MAPK10: variants seen among roughly 807,000 people sequenced by gnomAD.
MAPK10 encodes the protein mitogen-activated protein kinase 10.
A neutral mutation model predicts 59.3 loss-of-function variants in MAPK10; 25 were observed. The ratio of observed to expected loss-of-function variants is 0.42; its 90% CI spans 0.31 to 0.59. The LOEUF is 0.59. Ranked by LOEUF, MAPK10 falls within the 20% of genes least tolerant of loss-of-function variation. The pLI is 0.15. For missense variants in MAPK10, 351 were observed against 568.9 expected (o/e 0.62, Z 3.90); for synonymous variants, 190 against 200.5 (o/e 0.95, Z 0.44).
At chr4:86,048,127 C>G (rs1210661955) in intron 11 of MAPK10, among the ~76,000 whole-genome samples, 1 of 152,028 alleles carries the variant, frequency 6.6e-6, no homozygotes, top group East Asian at 1.9e-4. Context: ...AAGTGCTCAG[C>G]AGAGTACAGC....
At chr4:86,033,326 C>T (rs950873422) in intron 11 of MAPK10, among the ~76,000 whole-genome samples, 1 of 152,182 alleles carries the variant, frequency 6.6e-6, no homozygotes, top group Non-Finnish European at 1.5e-5. Context: ...GTCCAGGACC[C>T]CTGCAGGACA....
At chr4:86,055,051 A>C (rs1164934984) in intron 11 of MAPK10, among the ~76,000 whole-genome samples, 1 of 152,212 alleles carries the variant, frequency 6.6e-6, no homozygotes, top group East Asian at 1.9e-4. Context: ...TCACAGTACA[A>C]TATCACTGAG....
Position 86,360,020 on chromosome 4 carries a change from C to T in MAPK10, c.-484G>A, listed in dbSNP as rs1253135151. ...ATCACCCTCTTTCACTGCCTGGAAA[C>T]CATTGTGCAGCGTGATGCTGCCTGT... On this transcript the variant is annotated 5_prime_UTR_variant, in exon 1 of 14. Transcript: ENST00000641462. 3 of 985,798 alleles carry T rather than the reference C, an allele frequency of 3.0e-6. No homozygotes were observed. The African/African-American group carries it at 5.2e-5, about 17-fold the overall frequency. The allele number at this position is 985,798 out of a possible 1,614,324, so 61.1% of individuals were successfully genotyped here.
At chr4:86,203,504 T>C (rs1212766932) in intron 2 of MAPK10, among the ~76,000 whole-genome samples, 1 of 151,480 alleles carries the variant, frequency 6.6e-6, no homozygotes, top group African/African-American at 2.4e-5. Context: ...AACTGCAATA[T>C]ATACAAGGAA....
intron 3 of MAPK10, among the ~76,000 whole-genome samples, chr4:86,169,733 G>A (rs892835552): frequency 2.6e-5 from 4 of 151,750 alleles, no homozygotes; most frequent in African/African-American, 7.3e-5. Context: ...GATACTCCTC[G>A]AGAAGAGCAA....
chr4:86,296,815 A>G (rs981067800), intron 2 of MAPK10, among the ~76,000 whole-genome samples: 4 of 152,244 alleles, frequency 2.6e-5, no homozygotes, highest in Admixed American at 2.6e-4. Flanking sequence ...TATGCATCTG[A>G]TGATGCTAAA....
chr4:86,498,921 G>A (rs79388139), intron 1 of MAPK10, among the ~76,000 whole-genome samples: 7,363 of 152,236 alleles, frequency 0.048, 238 homozygotes, highest in African/African-American at 0.061. Context: ...GTGAAGTACT[G>A]AAACATGCAC....
intron 2 of MAPK10, among the ~76,000 whole-genome samples, chr4:86,337,434 T>A (rs1186291169): frequency 6.6e-6 from 1 of 152,188 alleles, no homozygotes; most frequent in East Asian, 1.9e-4. Flanking sequence ...TGTGAGTGGA[T>A]GTCCAGAAGA....
intron 2 of MAPK10, among the ~76,000 whole-genome samples, chr4:86,202,559 C>T (rs569756035): frequency 2.6e-5 from 4 of 151,856 alleles, no homozygotes; most frequent in South Asian, 2.1e-4. Flanking sequence ...CATATTGAAA[C>T]CTGTGAATTT....
intron 9 of MAPK10, chr4:86,080,123 T>C (rs1326691800): frequency 6.6e-6 from 1 of 152,040 alleles, no homozygotes; most frequent in Admixed American, 6.6e-5. Flanking sequence ...ATGTCTATTT[T>C]ATGTCCAGAG....
intron 2 of MAPK10, among the ~76,000 whole-genome samples, chr4:86,195,349 T>C (rs2081040808): frequency 6.6e-6 from 1 of 152,344 alleles, no homozygotes; most frequent in South Asian, 2.1e-4. Context: ...ATAGATGTCC[T>C]GAAAATCACT....
rs114315877 is a variant in MAPK10, at chr4:86,482,921, G to C, written c.-263+110989C>G. 5.6e-3 allele frequency among the ~76,000 whole-genome samples: 845 copies of C among 152,148 alleles called. 5 individuals carry two copies. Among genetic ancestry groups the C allele is most frequent in the Middle Eastern group, 0.02 (6 of 294 alleles). ...CCCTCTTTTCTCATTTATTTTTTGT[G>C]TTAGGCATACAACATTTAGCTTTCC... On this transcript the variant is annotated intron_variant, in intron 1 of 4. Coordinates refer to the MAPK10 transcript ENST00000502302.
At chr4:86,348,231 A>G (rs999356447) in intron 2 of MAPK10, among the ~76,000 whole-genome samples, 3 of 152,178 alleles carry the variant, frequency 2.0e-5, no homozygotes, top group African/African-American at 7.2e-5. Flanking sequence ...AAGACAGCAC[A>G]GTAATAAGCA....
intron 4 of MAPK10, among the ~76,000 whole-genome samples, chr4:86,122,397 C>A (rs1384249119): frequency 6.6e-6 from 1 of 152,166 alleles, no homozygotes; most frequent in Non-Finnish European, 1.5e-5. Flanking sequence ...GACCAGTTCA[C>A]TTTTGCTTTA....
At position 86,036,700 on chromosome 4, in the gene MAPK10, C is replaced by T. The variant is rs372211153; in HGVS notation, c.1111-5269G>A. Among the ~76,000 whole-genome samples, 9 of 152,226 alleles carry T rather than the reference C, an allele frequency of 5.9e-5. No homozygotes were observed. The East Asian group carries it at 1.7e-3, about 29-fold the overall frequency. On this transcript the variant is annotated intron_variant, in intron 11 of 13. Coordinates refer to ENST00000641462, the MANE Select transcript of MAPK10 (RefSeq NM_138982.4). ...CTAATAAAACAATATTTAAAGTGAA[C>T]ATCTTTGTAAAACAAGAAATAGAAA...
chr4:86,373,472 A>C (rs929552985), intron 1 of MAPK10, among the ~76,000 whole-genome samples: 6 of 152,218 alleles, frequency 3.9e-5, no homozygotes, highest in African/African-American at 1.4e-4. Flanking sequence ...GTGAACAGGC[A>C]ACCTACAGAA....
intron 2 of MAPK10, among the ~76,000 whole-genome samples, chr4:86,225,632 C>T (rs1184382087): frequency 6.6e-6 from 1 of 152,116 alleles, no homozygotes; most frequent in Non-Finnish European, 1.5e-5. Context: ...CTTTGGGACC[C>T]GCCCCCCAAC....
intron 11 of MAPK10, chr4:86,031,688 C>T (rs563732745): frequency 7.6e-5 from 30 of 392,680 alleles, no homozygotes; most frequent in Non-Finnish European, 1.2e-4. Flanking sequence ...GCTCACTTTC[C>T]GACATCTTCT....
chr4:86,546,731 G>A (rs1251100485), intron 1 of MAPK10, among the ~76,000 whole-genome samples: 2 of 152,110 alleles, frequency 1.3e-5, no homozygotes, highest in Admixed American at 6.5e-5. Context: ...TGCTTGGAGG[G>A]GAAAATCCCA....
Sources: allele counts gnomAD v4.1 joint callset (sites outside exome capture counted in the v4.1 genomes callset), GRCh38; gene constraint gnomAD v4.1.1; transcripts MANE v1.5; gene names NCBI Gene and HGNC (gene_info 2026-07-23, HGNC 2026-07-21).